ARL15: variants seen among roughly 807,000 people sequenced by gnomAD.
ARL15 encodes ARF like GTPase 15, also known as ADP-ribosylation factor-like protein 15.
In ARL15, 19 loss-of-function variants were observed where a neutral mutation model predicts 25.2. That is an observed-to-expected ratio of 0.75 (90% CI 0.53 to 1.10). The LOEUF is 1.10. ARL15 is among the 50% of genes least tolerant of loss of function. ARL15 has a pLI of 0.00. For synonymous variants in ARL15, 94 were observed against 86.8 expected, an observed-to-expected ratio of 1.08 and a Z score of -0.46; for missense variants, 220 against 246.0, an observed-to-expected ratio of 0.89 and a Z score of 0.71.
intron 4 of ARL15, among the ~76,000 whole-genome samples, chr5:53,924,816 GTCTT>G (rs1253111619): frequency 2.0e-5 from 3 of 152,038 alleles, no homozygotes; most frequent in Admixed American, 2.0e-4. Flanking sequence ...ATAGCTCCTG[GTCTT>G]TCTTTCAATT....
chr5:54,219,349 GA>G (rs1189189563), intron 1 of ARL15, among the ~76,000 whole-genome samples: 1 of 152,098 alleles, frequency 6.6e-6, no homozygotes, highest in East Asian at 1.9e-4. Context: ...GCCATATATA[GA>G]AGATCAGGGT....
intron 1 of ARL15, among the ~76,000 whole-genome samples, chr5:54,275,556 T>C (rs1485612437): frequency 6.6e-6 from 1 of 152,102 alleles, no homozygotes; most frequent in Non-Finnish European, 1.5e-5. Context: ...AGCCTGCACA[T>C]GAGCAGAAGC....
rs146027761 is a variant in ARL15, at chr5:54,202,579, G to C, written c.49-30651C>G. The stretch of plus-strand genomic sequence containing the variant: ...TGACATCTTAGTTTCATCCTGGTGA[G>C]ACCCATTTTGAACTTCTGACCACCA... On this transcript the variant is annotated intron_variant, in intron 1 of 4. Coordinates refer to ENST00000504924, the MANE Select transcript of ARL15 (RefSeq NM_019087.3). Among the ~76,000 whole-genome samples the C allele has an allele frequency of 5.9e-3, 893 of 152,192 alleles. 1 individual carries two copies. The highest frequency in any genetic ancestry group is 0.01 in the Middle Eastern group (3 of 294).
intron 4 of ARL15, among the ~76,000 whole-genome samples, chr5:54,111,380 C>T (rs1437568022): frequency 1.3e-5 from 2 of 152,006 alleles, no homozygotes; most frequent in African/African-American, 4.8e-5. Context: ...AAGATATTTG[C>T]TCTTTACCTA....
At chr5:53,978,170 C>CTGTA (rs1363170957) in intron 4 of ARL15, among the ~76,000 whole-genome samples, 1 of 152,184 alleles carries the variant, frequency 6.6e-6, no homozygotes, top group Non-Finnish European at 1.5e-5. Context: ...TGCTTAGTAT[C>CTGTA]TGTAGCCTGA....
At chr5:54,238,555 T>C (rs968895720) in intron 1 of ARL15, among the ~76,000 whole-genome samples, 4 of 152,174 alleles carry the variant, frequency 2.6e-5, no homozygotes, top group Admixed American at 2.0e-4. Context: ...CATAGAGCAC[T>C]AGAATGAGTG....
intron 4 of ARL15, among the ~76,000 whole-genome samples, chr5:53,904,894 A>G (rs928821388): frequency 6.6e-5 from 10 of 151,782 alleles, no homozygotes; most frequent in African/African-American, 1.9e-4. Flanking sequence ...TGCCCACCTA[A>G]TTTTTGTATT....
intron 4 of ARL15, among the ~76,000 whole-genome samples, chr5:53,895,062 G>T (rs186622435): frequency 6.6e-6 from 1 of 152,054 alleles, no homozygotes; most frequent in South Asian, 2.1e-4. Context: ...TGTCCCACAC[G>T]GCCTAGAATA....
intron 4 of ARL15, chr5:53,912,268 G>T (rs1345776545): frequency 6.6e-6 from 1 of 152,070 alleles, no homozygotes; most frequent in African/African-American, 2.4e-5. Context: ...CAAGCTATGG[G>T]GGCAAGACAC....
intron 3 of ARL15, among the ~76,000 whole-genome samples, chr5:54,134,568 CTTTTTTTTTTTTTT>C (rs5867914): frequency 1.4e-3 from 71 of 51,794 alleles, no homozygotes; most frequent in African/African-American, 4.6e-3. Flanking sequence ...GAATGATTAG[CTTTTTTTTTTTTTT>C]TTTTTTTTTT....
chr5:54,235,928 TATA>T (rs1196990592), intron 1 of ARL15, among the ~76,000 whole-genome samples: 7 of 152,246 alleles, frequency 4.6e-5, no homozygotes, highest in African/African-American at 1.7e-4. Flanking sequence ...AAATTACAGT[TATA>T]ATTAATTCAA....
At chr5:54,015,603 A>G (rs901722747) in intron 4 of ARL15, among the ~76,000 whole-genome samples, 2 of 152,188 alleles carry the variant, frequency 1.3e-5, no homozygotes, top group Non-Finnish European at 2.9e-5. Context: ...TCATTCCACT[A>G]TTGACATGGC....
intron 4 of ARL15, among the ~76,000 whole-genome samples, chr5:54,010,607 A>C (rs1749204262): frequency 6.6e-6 from 1 of 152,198 alleles, no homozygotes; most frequent in Admixed American, 6.5e-5. Context: ...AAAGCCCAAG[A>C]CTGTCCAACA....
At chr5:54,225,945 C>T (rs1040510561) in intron 1 of ARL15, among the ~76,000 whole-genome samples, 8 of 152,048 alleles carry the variant, frequency 5.3e-5, no homozygotes, top group African/African-American at 1.2e-4. Context: ...GAAGAAGGAT[C>T]GAAAACTAAA....
Position 54,122,601 on chromosome 5 carries a change from G to A in ARL15, c.254-9191C>T, listed in dbSNP as rs138609589. ...AAAAATTGGTACTATTTTTTTCAGC[G>A]GCTTGCATGGTTGCACAAATAAGAG... On this transcript the variant is annotated intron_variant, in intron 3 of 4. Coordinates refer to ENST00000504924, the MANE Select transcript of ARL15 (RefSeq NM_019087.3). Among the ~76,000 whole-genome samples, 957 of 152,056 alleles carry A rather than the reference G, an allele frequency of 6.3e-3. 3 individuals are homozygous for A. Among genetic ancestry groups the A allele is most frequent in the Non-Finnish European group, 0.011 (714 of 67,980 alleles).
intron 1 of ARL15, among the ~76,000 whole-genome samples, chr5:54,265,522 C>G (rs1472537768): frequency 3.3e-5 from 5 of 152,188 alleles, no homozygotes; most frequent in African/African-American, 1.2e-4. Flanking sequence ...TGTATTCAGG[C>G]ACTTTGCAAT....
At chr5:54,164,038 A>G (rs954341015) in intron 2 of ARL15, among the ~76,000 whole-genome samples, 1 of 151,966 alleles carries the variant, frequency 6.6e-6, no homozygotes, top group African/African-American at 2.4e-5. Context: ...CTTTTCTTAA[A>G]GTCCCGTTTT....
intron 4 of ARL15, among the ~76,000 whole-genome samples, chr5:53,985,831 G>A (rs1748280342): frequency 2.0e-5 from 3 of 152,140 alleles, no homozygotes; most frequent in African/African-American, 7.2e-5. Context: ...CAAAAGTAGA[G>A]CAACCGACAA....
At chr5:54,126,643 AC>A (rs1753262859) in intron 3 of ARL15, among the ~76,000 whole-genome samples, 1 of 152,188 alleles carries the variant, frequency 6.6e-6, no homozygotes. Flanking sequence ...TGAGGGATTC[AC>A]CAGCACAAAT....
Sources: allele counts gnomAD v4.1 joint callset (sites outside exome capture counted in the v4.1 genomes callset), GRCh38; gene constraint gnomAD v4.1.1; transcripts MANE v1.5; gene names NCBI Gene and HGNC (gene_info 2026-07-23, HGNC 2026-07-21).